The following CLCN7 variants were observed in gnomAD, a reference collection of about 807,000 sequenced individuals.
The protein encoded by CLCN7 is H(+)/Cl(-) exchange transporter 7.
Under a neutral mutation model 102.1 loss-of-function variants are expected in CLCN7, and 60 were observed. The observed-to-expected ratio is 0.59, with a 90% CI of 0.48 to 0.73. The LOEUF is 0.73. CLCN7 is among the 30% of genes least tolerant of loss of function. CLCN7 has a pLI of 0.00. For missense variants in CLCN7, 962 were observed against 1,125.7 expected, an observed-to-expected ratio of 0.85 and a Z score of 2.08; for synonymous variants, 560 against 490.5, an observed-to-expected ratio of 1.14 and a Z score of -1.87.
intron 11 of CLCN7, 199 bp from the exon 12 acceptor site, chr16:1,455,449 TG>T: frequency 1.5e-6 from 1 of 652,580 alleles, no homozygotes. Flanking sequence ...TCTCTGGACT[TG>T]CCAGTGGAGA....
chr16:1,466,211 G>A (rs2039002552), intron 1 of CLCN7, among the ~76,000 whole-genome samples: 2 of 152,274 alleles, frequency 1.3e-5, no homozygotes, highest in Admixed American at 1.3e-4. Flanking sequence ...GAGTCCAGCG[G>A]CTGGTACCGG....
chr16:1,474,886 G>C lies in CLCN7; in HGVS notation c.89C>G (p.Pro30Arg). 2.1e-6 allele frequency: 3 copies of C among 1,450,572 alleles called. No individual in the cohort carries two copies. The highest frequency in any genetic ancestry group is 2.7e-6 in the Non-Finnish European group (3 of 1,103,958). The allele number at this position is 1,450,572 out of a possible 1,614,324, so 89.9% of individuals were successfully genotyped here. A position where few individuals can be genotyped will look rare whatever the true frequency, so the allele number is the denominator to read the frequency against. The part of the protein sequence containing the change: ...AAPLLRRTAR[P>R]GGGTPLLNGA... ...GTTCAGCAGCGGCGTCCCCCCGCCG[G>C]GCCGCGCCGTCCTCCGCAGCAGCGG... is the stretch of plus-strand genomic sequence containing the variant. Residue 30 changes from proline to arginine, a missense_variant, in exon 1 of 25, where the codon CCC becomes CGC. Pro to Arg is a moderately radical substitution (Grantham distance 103). Around this residue, in one of 2 missense-constraint regions of CLCN7, gnomAD observed 163 missense variants for 137.7 expected, o/e 1.18. Transcript: ENST00000382745.
Position 1,457,752 on chromosome 16 carries a change from A to G in CLCN7, c.680T>C (p.Leu227Ser). 2 of 1,613,874 alleles carry G rather than the reference A, an allele frequency of 1.2e-6. No homozygotes were observed. The highest frequency in any genetic ancestry group is 1.7e-6 in the Non-Finnish European group (2 of 1,179,980). Residue 227 changes from leucine to serine, a missense_variant, in exon 8 of 25, where the codon TTG becomes TCG. Physicochemically the swap from Leu to Ser is moderately radical, Grantham distance 145 (BLOSUM62 -2). Transcript: ENST00000382745. This position sits in a 1 kb window ranked among gnomAD's most constrained non-coding sequence, Gnocchi z 5.4. ...GATCACACCGGACACTTTGATCACCAACGTCTGAAACACAGGGAGACGCAT... is the reference window on the plus strand; with the variant it reads ...GATCACACCGGACACTTTGATCACCGACGTCTGAAACACAGGGAGACGCAT... ...KIPHVVRLKT[L>S]VIKVSGVILS...
In CLCN7 at chr16:1,454,460, C is replaced by T. The variant is rs775143967; in HGVS notation, c.1104G>A (p.Met368Ile). The part of the protein sequence containing the change: ...INFGRFDSEK[M>I]AYTIHEIPVF... The stretch of plus-strand genomic sequence containing the variant: ...CCGGGATCTCGTGGATCGTGTAGGC[C>T]ATTTTCTGTGCAGAGAGAGGGAGAA... Residue 368 changes from methionine (M) to isoleucine (I), a missense_variant, in exon 13 of 25, where the codon ATG (methionine) becomes ATA (isoleucine). By Grantham distance (10) the Met-to-Ile change is conservative (BLOSUM62 1). Transcript: ENST00000382745. The T allele has an allele frequency of 6.2e-7, 1 of 1,613,676 alleles. No individual in the cohort carries two copies. The highest frequency in any genetic ancestry group is 1.7e-5 in the Admixed American group (1 of 60,032).
intron 1 of CLCN7, among the ~76,000 whole-genome samples, chr16:1,469,836 G>A (rs1227295222): frequency 1.3e-5 from 2 of 152,238 alleles, no homozygotes; most frequent in African/African-American, 4.8e-5. Flanking sequence ...GGATGAGTGA[G>A]TCAAGGAAAT....
chr16:1,447,763 T>C (rs774985836), intron 21 of CLCN7, 49 bp from the exon 22 acceptor site: 12 of 1,530,602 alleles, frequency 7.8e-6, no homozygotes, highest in Non-Finnish European at 1.1e-5. Flanking sequence ...GGTGGGAGGC[T>C]GCGCTGGAAT....
intron 2 of CLCN7, 143 bp downstream of exon 2, chr16:1,465,123 AC>A: frequency 1.3e-6 from 1 of 746,286 alleles, no homozygotes; most frequent in Non-Finnish European, 2.4e-6. Context: ...GGCGTCAGGG[AC>A]CATGTCCCCC....
In CLCN7 at chr16:1,457,031, A is replaced by G. The variant is rs924845466; in HGVS notation, c.822+223T>C. ...ACAGACCCTCCCACGGGAAACACTG[A>G]TGCACGTGTGGCAGGGGACCCAAGG... On this transcript the variant is annotated intron_variant, in intron 9 of 24. Transcript: ENST00000382745. This position sits in a 1 kb window ranked among gnomAD's most constrained non-coding sequence, Gnocchi z 5.4. Among the ~76,000 whole-genome samples, 11 of 152,124 alleles carry G rather than the reference A, an allele frequency of 7.2e-5. No homozygotes were observed. Among genetic ancestry groups the G allele is most frequent in the South Asian group, 2.1e-4 (1 of 4,824 alleles).
intron 1 of CLCN7, among the ~76,000 whole-genome samples, 190 bp downstream of exon 1, chr16:1,474,644 A>T (rs1251304877): frequency 6.6e-6 from 1 of 151,752 alleles, no homozygotes; most frequent in African/African-American, 2.4e-5. Context: ...GCGGCCTCCG[A>T]AGACTCCAGA....
At position 1,452,738 on chromosome 16, in the gene CLCN7, C is replaced by T. The variant is rs775941132; in HGVS notation, c.1353+17G>A. The T allele has an allele frequency of 2.2e-5, 35 of 1,577,752 alleles. No homozygotes were observed. Among genetic ancestry groups the T allele is most frequent in the Admixed American group, 7.1e-5 (4 of 56,402 alleles). The stretch of plus-strand genomic sequence containing the variant: ...GCTGCCCTGCCTGCTGGACCCCGCC[C>T]GGGCCCAGCCTCCCACCTGCAGCGG... On this transcript the variant is annotated intron_variant, in intron 15 of 24. Transcript: ENST00000382745.
At chr16:1,469,334 T>G (rs1018431218) in intron 1 of CLCN7, among the ~76,000 whole-genome samples, 1 of 151,482 alleles carries the variant, frequency 6.6e-6, no homozygotes, top group African/African-American at 2.4e-5. Flanking sequence ...AACGAGAAAA[T>G]ATTTGCAAAT....
Position 1,457,161 on chromosome 16 carries a change from C to A in CLCN7, c.822+93G>T. The A allele has an allele frequency of 8.3e-7, 1 of 1,209,576 alleles. No homozygotes were observed. The highest frequency in any genetic ancestry group is 1.7e-5 in the Admixed American group (1 of 58,776). The allele number at this position is 1,209,576 out of a possible 1,614,324, so 74.9% of individuals were successfully genotyped here. On this transcript the variant is annotated intron_variant, in intron 9 of 24. Transcript: ENST00000382745. The surrounding 1 kb of genome is among the most constrained non-coding windows in gnomAD (Gnocchi z 5.4). ...CCTCAGATGGGGCTGGGGCTCTCGGCCTGGGGGTGCTGAGGGAAGCCCATC... is the reference window on the plus strand; with the variant it reads ...CCTCAGATGGGGCTGGGGCTCTCGGACTGGGGGTGCTGAGGGAAGCCCATC...
At chr16:1,449,372 C>A in intron 17 of CLCN7, 45 bp from the exon 18 acceptor site, 1 of 1,550,344 alleles carries the variant, frequency 6.5e-7, no homozygotes, top group East Asian at 2.4e-5. Flanking sequence ...GTGGCAGGCC[C>A]AAACCCACCA....
chr16:1,469,713 C>A (rs977045930), intron 1 of CLCN7, among the ~76,000 whole-genome samples: 1 of 152,088 alleles, frequency 6.6e-6, no homozygotes, highest in Non-Finnish European at 1.5e-5. Context: ...AACAAAAAAC[C>A]AAAAACCAAA....
In CLCN7 at chr16:1,450,593, G is replaced by A. The variant is rs377368242; in HGVS notation, c.1521C>T (p.Leu507=). The A allele has an allele frequency of 2.5e-6, 4 of 1,612,408 alleles. No individual in the cohort carries two copies. Among genetic ancestry groups the A allele is most frequent in the Admixed American group, 3.3e-5 (2 of 59,936 alleles). The change falls in exon 17 of 25, where the codon CTC becomes CTT. Residue 507 remains leucine (L), a synonymous_variant. Coordinates refer to ENST00000382745, the MANE Select transcript of CLCN7 (RefSeq NM_001287.6). Reference sequence around the variant, plus strand: ...GGATGAAGACCCCGGCAGACACCGTGAGCCCGTAGGTCCAGCAGGCCAGGA... The same window carrying A: ...GGATGAAGACCCCGGCAGACACCGTAAGCCCGTAGGTCCAGCAGGCCAGGA... ...YFFLACWTYG[L]TVSAGVFIPS...
intron 1 of CLCN7, among the ~76,000 whole-genome samples, chr16:1,468,969 T>A (rs540171766): frequency 1.3e-5 from 2 of 148,988 alleles, no homozygotes; most frequent in Non-Finnish European, 3.0e-5. Flanking sequence ...GGCGGGCAGA[T>A]CACCCGAGGT....
At position 1,447,410 on chromosome 16, in the gene CLCN7, G is replaced by A. The variant is rs149790634; in HGVS notation, c.2232C>T (p.Ser744=). 283 of 1,550,488 alleles carry A rather than the reference G, an allele frequency of 1.8e-4. 1 individual carries two copies. In the African/African-American group the frequency reaches 3.4e-3, roughly 19 times the overall value. ...TMDLSEFMNP[S]PYTVPQEASL... Reference sequence around the variant, plus strand: ...CACATGCCTGGGGCACCGTGTAGGGGGAGGGGTTCATGAACTCGGAGAGGT... The same window carrying A: ...CACATGCCTGGGGCACCGTGTAGGGAGAGGGGTTCATGAACTCGGAGAGGT... Residue 744 remains serine (S), a synonymous_variant, in exon 23 of 25, where the codon TCC becomes TCT. Transcript: ENST00000382745.
intron 1 of CLCN7, 134 bp downstream of exon 1, chr16:1,474,700 C>G (rs948420298): frequency 1.3e-6 from 1 of 766,288 alleles, no homozygotes; most frequent in African/African-American, 1.9e-5. Flanking sequence ...AGCCCCGGGG[C>G]GCGTTCCCGA....
chr16:1,469,172 T>C (rs531905894), intron 1 of CLCN7, among the ~76,000 whole-genome samples: 8 of 151,588 alleles, frequency 5.3e-5, no homozygotes, highest in Non-Finnish European at 1.2e-4. Flanking sequence ...TGCCACTGTA[T>C]TCCAGCCTGG....
Sources: allele counts gnomAD v4.1 joint callset (sites outside exome capture counted in the v4.1 genomes callset), GRCh38; gene constraint gnomAD v4.1.1; regional missense constraint gnomAD v4.1.1; non-coding constraint Gnocchi (gnomAD v3.1); transcripts MANE v1.5; gene names NCBI Gene and HGNC (gene_info 2026-07-23, HGNC 2026-07-21).